CDKAL1: variants seen among roughly 807,000 people sequenced by gnomAD.
CDKAL1 encodes the protein threonylcarbamoyladenosine tRNA methylthiotransferase.
Under a neutral mutation model 68.2 loss-of-function variants are expected in CDKAL1, and 32 were observed. The ratio of observed to expected loss-of-function variants is 0.47; its 90% confidence interval spans 0.35 to 0.63. The LOEUF is 0.63. Among genes scored for constraint, CDKAL1 ranks in the 30% least tolerant of loss-of-function variants. The probability of loss-of-function intolerance (pLI) is 0.00; values close to 1 mark genes in which losing one functional copy is unlikely to be tolerated. For missense variants in CDKAL1, 606 were observed against 696.7 expected (o/e 0.87, Z 1.47); for synonymous variants, 234 against 244.3 (o/e 0.96, Z 0.39).
intron 6 of CDKAL1, among the ~76,000 whole-genome samples, chr6:20,753,730 G>A (rs906788662): frequency 1.1e-4 from 17 of 151,286 alleles, no homozygotes; most frequent in African/African-American, 3.9e-4. Context: ...TATGAATAAT[G>A]CTATTATGAA....
intron 12 of CDKAL1, among the ~76,000 whole-genome samples, chr6:21,065,550 T>C (rs976052375): frequency 6.6e-6 from 1 of 152,116 alleles, no homozygotes; most frequent in Non-Finnish European, 1.5e-5. Context: ...ATTTAAATAT[T>C]TGTGTATAAA....
chr6:21,025,045 C>A lies in CDKAL1; in HGVS notation c.1055+24673C>A, dbSNP rs151235885. Among the ~76,000 whole-genome samples, 3 of 152,270 alleles carry A rather than the reference C, an allele frequency of 2.0e-5. No homozygotes were observed. The East Asian group carries it at 5.8e-4, about 29-fold the overall frequency. ...TTGTATTATCTGAACAGTACTTAGA[C>A]TAAAAATGTATTTTGTTGCCCAATA... On this transcript the variant is annotated intron_variant, in intron 11 of 15. Transcript: ENST00000274695.
At chr6:20,585,686 T>C (rs982063104) in intron 4 of CDKAL1, among the ~76,000 whole-genome samples, 9 of 152,216 alleles carry the variant, frequency 5.9e-5, no homozygotes, top group Non-Finnish European at 8.8e-5. Flanking sequence ...CCCTTGCTTA[T>C]TGGTTCTCTT....
chr6:20,799,040 GTTTTTTTTTTTTT>G (rs754008816), intron 8 of CDKAL1, among the ~76,000 whole-genome samples: 1,409 of 47,572 alleles, frequency 0.03, 65 homozygotes, highest in Admixed American at 0.15. Flanking sequence ...AAAGAACTGA[GTTTTTTTTTTTTT>G]TTTTTTTTTT....
intron 14 of CDKAL1, among the ~76,000 whole-genome samples, chr6:21,200,399 T>G (rs1214918153): frequency 3.3e-5 from 5 of 152,174 alleles, no homozygotes; most frequent in African/African-American, 4.8e-5. Flanking sequence ...GCTGTTAGTT[T>G]CAGGAGTCAT....
At position 21,195,472 on chromosome 6, in the gene CDKAL1, G is replaced by GTTTT. The variant is rs199522083; in HGVS notation, c.1300-2544_1300-2541dup. ...GCCATCGTGCCTGGCCTCTGGAGAT[G>GTTTT]TTTTTTTTATTTATTTATTTATTTA... On this transcript the variant is annotated intron_variant, in intron 13 of 15. Coordinates refer to ENST00000274695, the MANE Select transcript of CDKAL1 (RefSeq NM_017774.3). 5.4e-3 allele frequency among the ~76,000 whole-genome samples: 735 copies of GTTTT among 135,660 alleles called. 5 individuals carry two copies. Among genetic ancestry groups the GTTTT allele is most frequent in the South Asian group, 0.016 (65 of 4,086 alleles). The allele number at this position is 135,660 out of a possible 152,430, so 89.0% of individuals were successfully genotyped here. A position where few individuals can be genotyped will look rare whatever the true frequency, so the allele number is the denominator to read the frequency against.
At chr6:21,219,196 C>A (rs544745261) in intron 15 of CDKAL1, among the ~76,000 whole-genome samples, 4 of 152,070 alleles carry the variant, frequency 2.6e-5, no homozygotes, top group Admixed American at 2.0e-4. Flanking sequence ...GGTTCCAGGA[C>A]CCCCGATGGG....
intron 9 of CDKAL1, among the ~76,000 whole-genome samples, chr6:20,889,706 C>G (rs539932211): frequency 1.6e-4 from 24 of 152,160 alleles, no homozygotes; most frequent in African/African-American, 5.5e-4. Flanking sequence ...CTGTTCTGTT[C>G]CATTGGTCTA....
At chr6:20,837,017 A>G (rs1341609545) in intron 8 of CDKAL1, among the ~76,000 whole-genome samples, 1 of 152,198 alleles carries the variant, frequency 6.6e-6, no homozygotes, top group Non-Finnish European at 1.5e-5. Context: ...CTCCAAGTCA[A>G]AGATGGGCAG....
chr6:20,887,970 A>G (rs1761172989), intron 9 of CDKAL1, among the ~76,000 whole-genome samples: 1 of 151,768 alleles, frequency 6.6e-6, no homozygotes. Flanking sequence ...TTGGTGGAAC[A>G]TAATTTCTTT....
chr6:21,156,820 T>C (rs1776671959), intron 13 of CDKAL1, among the ~76,000 whole-genome samples: 1 of 152,168 alleles, frequency 6.6e-6, no homozygotes, highest in South Asian at 2.1e-4. Context: ...GTGTGCATGC[T>C]GCTGTGGTTG....
intron 15 of CDKAL1, among the ~76,000 whole-genome samples, chr6:21,228,578 T>C (rs1170620363): frequency 6.6e-6 from 1 of 152,226 alleles, no homozygotes; most frequent in African/African-American, 2.4e-5. Context: ...TGATGGTTGC[T>C]CATCTCATTG....
intron 8 of CDKAL1, among the ~76,000 whole-genome samples, chr6:20,837,937 TTGTGTGTGTGTGTGTGTG>T (rs531904726): frequency 4.9e-5 from 6 of 123,202 alleles, no homozygotes; most frequent in East Asian, 2.5e-4. Context: ...TGGGAAGAAA[TTGTGTGTGTGTGTGTGTG>T]TGTGTGTGTG....
rs546690376 is a variant in CDKAL1, at chr6:21,144,174, A to G, written c.1299+35711A>G. ...TACTTTACCTATGAATCATCTCACC[A>G]CCTAGCCAAATAACTCTCAAACAAG... is the stretch of plus-strand genomic sequence containing the variant. On this transcript the variant is annotated intron_variant, in intron 13 of 15. Coordinates refer to ENST00000274695, the MANE Select transcript of CDKAL1 (RefSeq NM_017774.3). Among the ~76,000 whole-genome samples the G allele has an allele frequency of 1.2e-4, 18 of 152,270 alleles. No homozygotes were observed. The South Asian group carries it at 3.3e-3, about 28-fold the overall frequency.
intron 8 of CDKAL1, among the ~76,000 whole-genome samples, chr6:20,831,961 C>A (rs574702312): frequency 6.6e-6 from 1 of 152,284 alleles, no homozygotes. Context: ...TGATCGCCGG[C>A]CAGTACGCTT....
At chr6:20,543,958 G>C (rs1440193016) in intron 2 of CDKAL1, among the ~76,000 whole-genome samples, 1 of 151,710 alleles carries the variant, frequency 6.6e-6, no homozygotes, top group Non-Finnish European at 1.5e-5. Flanking sequence ...GGCTGTTCTT[G>C]AACTCCTGAC....
chr6:20,993,421 T>C (rs918511879), intron 10 of CDKAL1: 1 of 152,178 alleles, frequency 6.6e-6, no homozygotes, highest in Admixed American at 6.5e-5. Context: ...AGCTATCATC[T>C]GAGAGGGCTT....
chr6:20,838,844 G>A lies in CDKAL1; in HGVS notation c.639-7231G>A, dbSNP rs1048840138. Among the ~76,000 whole-genome samples, 7 of 151,968 alleles carry A rather than the reference G, an allele frequency of 4.6e-5. No individual in the cohort carries two copies. The East Asian group carries it at 1.4e-3, about 29-fold the overall frequency. ...AAAAAAATTAGCCAGGTGTGGTGGC[G>A]GGTGCCTGTAGTCCCAGCTACTTGG... On this transcript the variant is annotated intron_variant, in intron 8 of 15. Transcript: ENST00000274695.
rs541088707 is a variant in CDKAL1, at chr6:20,548,137, T to C, written c.174-456T>C. On this transcript the variant is annotated intron_variant, in intron 3 of 15. Coordinates refer to ENST00000274695, the MANE Select transcript of CDKAL1 (RefSeq NM_017774.3). ...TTTTGATACAACAACAGATTTTGAG[T>C]TAAGTTGGTGCGTTTAATGAATAGC... is the stretch of plus-strand genomic sequence containing the variant. 1.2e-4 allele frequency among the ~76,000 whole-genome samples: 19 copies of C among 152,278 alleles called. No individual in the cohort carries two copies. The South Asian group carries it at 3.9e-3, about 32-fold the overall frequency.
Sources: allele counts gnomAD v4.1 joint callset (sites outside exome capture counted in the v4.1 genomes callset), GRCh38; gene constraint gnomAD v4.1.1; transcripts MANE v1.5; gene names NCBI Gene and HGNC (gene_info 2026-07-23, HGNC 2026-07-21).